The following HKDC1 variants were observed in gnomAD, a reference collection of about 807,000 sequenced individuals.
HKDC1 encodes the protein hexokinase domain containing 1.
HKDC1 carries 66 observed loss-of-function variants against 96.6 expected under a neutral mutation model. The ratio of observed to expected loss-of-function variants is 0.68; its 90% CI spans 0.56 to 0.84. HKDC1 has a LOEUF of 0.84. Among genes scored for constraint, HKDC1 ranks in the 40% least tolerant of loss-of-function variants. The pLI is 0.00. For synonymous variants in HKDC1, 466 were observed against 473.1 expected (o/e 0.98, Z 0.20); for missense variants, 1,211 against 1,208.1 (o/e 1.00, Z -0.04).
intron 2 of HKDC1, chr10:69,232,402 C>A (rs5030946): frequency 0.46 from 100,681 of 221,074 alleles, 23,814 homozygotes; most frequent in East Asian, 0.77. Flanking sequence ...CTGGGAGCAC[C>A]AGCTCTCTCT....
At position 69,266,629 on chromosome 10, in the gene HKDC1, G is replaced by A. The variant is rs758906817; in HGVS notation, c.2626G>A (p.Glu876Lys). 1.9e-6 allele frequency: 3 copies of A among 1,613,996 alleles called. No homozygotes were observed. In the East Asian group the frequency reaches 6.7e-5, roughly 36 times the overall value. The change falls in exon 18 of 18, where the codon GAA becomes AAA. Residue 876 changes from glutamate (E) to lysine (K), a missense_variant. Transcript: ENST00000354624. ...LHPHFSRILQ[E>K]TVKELAPRCD... Reference sequence around the variant, plus strand: ...TCATAGCTTTTCTAGAATATTGCAGGAAACTGTGAAGGAACTAGCCCCTCG... The same window carrying A: ...TCATAGCTTTTCTAGAATATTGCAGAAAACTGTGAAGGAACTAGCCCCTCG...
chr10:69,239,096 G>T lies in HKDC1; in HGVS notation c.550G>T (p.Asp184Tyr), dbSNP rs537673064. Residue 184 changes from aspartate (D) to tyrosine (Y), a missense_variant, in exon 5 of 18, where the codon GAT becomes TAT. By Grantham distance (160) the Asp-to-Tyr change is radical. Transcript: ENST00000354624. ...TAAGGCACGAGGAGTTCAGGACACGGATGTGGTGAGCCGTCTGACCAAAGC... is the reference window on the plus strand; with the variant it reads ...TAAGGCACGAGGAGTTCAGGACACGTATGTGGTGAGCCGTCTGACCAAAGC... ...KFKARGVQDTDVVSRLTKAMR... is the reference protein window; with the variant it reads ...KFKARGVQDTYVVSRLTKAMR... The T allele has an allele frequency of 7.4e-6, 12 of 1,614,038 alleles. No homozygotes were observed. The East Asian group carries it at 2.7e-4, about 36-fold the overall frequency.
intron 16 of HKDC1, among the ~76,000 whole-genome samples, chr10:69,262,415 T>G (rs1457993389): frequency 6.6e-6 from 1 of 150,462 alleles, no homozygotes. Flanking sequence ...GGCGCAGTGT[T>G]TTTTTTTTTA....
intron 12 of HKDC1, among the ~76,000 whole-genome samples, chr10:69,251,087 CTTTTT>C (rs869084452): frequency 0.27 from 24,581 of 92,164 alleles, 1,489 homozygotes; most frequent in Middle Eastern, 0.37. Context: ...AAATACATTT[CTTTTT>C]TTTTTTTTTT....
At chr10:69,257,284 C>T in intron 13 of HKDC1, 43 bp from the exon 14 acceptor site, 1 of 1,564,550 alleles carries the variant, frequency 6.4e-7, no homozygotes. Flanking sequence ...ACATTCAACT[C>T]ATAGTAAAGC....
intron 5 of HKDC1, 75 bp from the exon 6 acceptor site, chr10:69,240,577 C>A: frequency 2.4e-6 from 3 of 1,243,688 alleles, no homozygotes; most frequent in Non-Finnish European, 2.3e-6. Context: ...TCACTACCTG[C>A]TGCCTCTGTG....
chr10:69,221,613 T>C (rs1250866329), intron 1 of HKDC1, among the ~76,000 whole-genome samples: 2 of 152,056 alleles, frequency 1.3e-5, no homozygotes, highest in Non-Finnish European at 1.5e-5. Flanking sequence ...GTGCCATGAC[T>C]CCCTCCTGCT....
chr10:69,255,215 C>T (rs557370630), intron 12 of HKDC1, among the ~76,000 whole-genome samples: 1 of 152,312 alleles, frequency 6.6e-6, no homozygotes, highest in African/African-American at 2.4e-5. Context: ...TAAAGATACC[C>T]ATGGTTGGGG....
chr10:69,251,406 G>A (rs1411023746), intron 12 of HKDC1, among the ~76,000 whole-genome samples: 1 of 151,912 alleles, frequency 6.6e-6, no homozygotes, highest in African/African-American at 2.4e-5. Flanking sequence ...TACTTTATAA[G>A]TTTTGAAATC....
chr10:69,227,094 A>G (rs997565730), intron 1 of HKDC1, 113 bp from the exon 2 acceptor site: 13 of 1,205,176 alleles, frequency 1.1e-5, no homozygotes, highest in South Asian at 2.7e-5. Flanking sequence ...CCACATCTCA[A>G]TGCTGTCCCC....
At chr10:69,223,222 G>A (rs1843094928) in intron 1 of HKDC1, 1 of 152,122 alleles carries the variant, frequency 6.6e-6, no homozygotes, top group Non-Finnish European at 1.5e-5. Flanking sequence ...TATTTTTCAT[G>A]GCTCTGTATG....
intron 8 of HKDC1, 146 bp downstream of exon 8, chr10:69,246,380 G>T (rs1359852473): frequency 9.7e-6 from 8 of 828,222 alleles, no homozygotes; most frequent in Non-Finnish European, 1.5e-5. Context: ...CTTCAGATGG[G>T]TTAGCAATTT....
chr10:69,265,349 A>G (rs1843878383), intron 16 of HKDC1: 1 of 536,940 alleles, frequency 1.9e-6, no homozygotes, highest in East Asian at 3.2e-5. Context: ...AGATATGAAC[A>G]TGCTGAACAC....
intron 2 of HKDC1, among the ~76,000 whole-genome samples, chr10:69,229,374 C>G (rs1268481276): frequency 6.6e-6 from 1 of 152,220 alleles, no homozygotes. Context: ...ATGGACAGTG[C>G]CCTGTCCTGG....
chr10:69,233,767 G>A lies in HKDC1; in HGVS notation c.495+634G>A, dbSNP rs529367808. Among the ~76,000 whole-genome samples the A allele has an allele frequency of 6.6e-5, 10 of 152,078 alleles. No homozygotes were observed. The South Asian group carries it at 1.2e-3, about 19-fold the overall frequency. On this transcript the variant is annotated intron_variant, in intron 4 of 17. Transcript: ENST00000354624. ...CAAAAAATTAGCTGGGTGTGGTGCCGGGCGCCTGTAGTCCCAGCCACTTGG... is the reference window on the plus strand; with the variant it reads ...CAAAAAATTAGCTGGGTGTGGTGCCAGGCGCCTGTAGTCCCAGCCACTTGG...
intron 15 of HKDC1, 71 bp downstream of exon 15, chr10:69,259,030 C>T: frequency 8.5e-7 from 1 of 1,180,380 alleles, no homozygotes; most frequent in Non-Finnish European, 1.1e-6. Context: ...AAGGGGGTAC[C>T]ATAGACAGCA....
chr10:69,243,805 A>G (rs753643569), intron 7 of HKDC1, among the ~76,000 whole-genome samples: 20 of 152,200 alleles, frequency 1.3e-4, no homozygotes, highest in Non-Finnish European at 2.4e-4. Context: ...CCCCATTACA[A>G]CAAATTTATA....
At chr10:69,230,534 G>A (rs1843238911) in intron 2 of HKDC1, among the ~76,000 whole-genome samples, 1 of 152,202 alleles carries the variant, frequency 6.6e-6, no homozygotes, top group Non-Finnish European at 1.5e-5. Flanking sequence ...GGGAACCATT[G>A]GGTCCAAGGC....
intron 1 of HKDC1, 77 bp downstream of exon 1, chr10:69,220,575 C>A: frequency 9.7e-7 from 1 of 1,034,032 alleles, no homozygotes; most frequent in Non-Finnish European, 1.4e-6. Flanking sequence ...AAAAAAAAAT[C>A]AGAAGGGAGT....
Sources: gnomAD v4.1 joint callset for allele counts (sites outside exome capture counted in the v4.1 genomes callset) on GRCh38, gnomAD v4.1.1 for gene constraint, MANE v1.5 for transcripts, NCBI Gene and HGNC (gene_info 2026-07-23, HGNC 2026-07-21) for gene names.